Variants in MED30 observed in about 807,000 individuals in gnomAD.
The protein encoded by MED30 is mediator complex subunit 30, also known as mediator of RNA polymerase II transcription subunit 30.
A neutral mutation model predicts 21.7 loss-of-function variants in MED30; 8 were observed. That is an observed-to-expected ratio of 0.37 (90% confidence interval 0.22 to 0.67). The LOEUF is 0.67. Among genes scored for constraint, MED30 ranks in the 30% least tolerant of loss-of-function variants. The probability of loss-of-function intolerance (pLI) is 0.58; values close to 1 mark genes in which losing one functional copy is unlikely to be tolerated. For synonymous variants in MED30, 79 were observed against 86.7 expected, an observed-to-expected ratio of 0.91 and a Z score of 0.49; for missense variants, 203 against 228.2, an observed-to-expected ratio of 0.89 and a Z score of 0.71.
chr8:117,525,393 A>G (rs10955819), intron 1 of MED30, among the ~76,000 whole-genome samples: 49,183 of 141,324 alleles, frequency 0.35, 8,523 homozygotes, highest in Middle Eastern at 0.5. Context: ...GGATTTAGCT[A>G]TTTACATACT....
At chr8:117,535,622 A>T (rs1448416511) in intron 3 of MED30, among the ~76,000 whole-genome samples, 3 of 151,898 alleles carry the variant, frequency 2.0e-5, no homozygotes, top group Non-Finnish European at 4.4e-5. Flanking sequence ...TGATTTGATT[A>T]TTTAATCACA....
chr8:117,537,349 G>A (rs2130819619), intron 3 of MED30, among the ~76,000 whole-genome samples: 1 of 152,290 alleles, frequency 6.6e-6, no homozygotes, highest in East Asian at 1.9e-4. Context: ...TGGCAAGACT[G>A]TGTATATTAA....
intron 1 of MED30, among the ~76,000 whole-genome samples, chr8:117,522,635 C>CCT: frequency 7.2e-6 from 1 of 139,626 alleles, no homozygotes; most frequent in Middle Eastern, 3.7e-3. Context: ...TGTTTTATTG[C>CCT]TTTTTTTTTT....
At chr8:117,538,198 G>A (rs968760180) in intron 3 of MED30, among the ~76,000 whole-genome samples, 1 of 152,166 alleles carries the variant, frequency 6.6e-6, no homozygotes, top group Admixed American at 6.5e-5. Context: ...GAAAACTTGT[G>A]CAAGGGAGAC....
At chr8:117,528,879 T>C in intron 2 of MED30, 70 bp downstream of exon 2, 1 of 1,217,664 alleles carries the variant, frequency 8.2e-7, no homozygotes, top group Non-Finnish European at 1.1e-6. Flanking sequence ...GTTAATCTTT[T>C]TCCTCTCTCT....
chr8:117,532,701 T>C (rs933273347), intron 3 of MED30, among the ~76,000 whole-genome samples: 4 of 152,084 alleles, frequency 2.6e-5, no homozygotes, highest in African/African-American at 9.6e-5. Flanking sequence ...ATAGATTTTA[T>C]AAAATAAAAT....
intron 1 of MED30, chr8:117,523,180 T>G (rs1818656910): frequency 3.0e-6 from 2 of 668,992 alleles, no homozygotes; most frequent in South Asian, 3.3e-5. Flanking sequence ...CATGTGGACC[T>G]GCATTCAAAG....
intron 3 of MED30, among the ~76,000 whole-genome samples, chr8:117,535,350 T>C (rs573593311): frequency 1.3e-5 from 2 of 151,020 alleles, no homozygotes; most frequent in East Asian, 3.9e-4. Flanking sequence ...TGCCTCAGTC[T>C]CCTGAGTAGC....
intron 3 of MED30, among the ~76,000 whole-genome samples, chr8:117,536,181 C>CAA (rs527645436): frequency 1.1e-3 from 166 of 152,254 alleles, no homozygotes; most frequent in Non-Finnish European, 2.1e-3. Context: ...CATGAGTGGA[C>CAA]AAGTTTCTTC....
intron 1 of MED30, chr8:117,523,827 T>G (rs185580754): frequency 4.3e-4 from 232 of 545,076 alleles, no homozygotes; most frequent in Middle Eastern, 2.1e-3. Flanking sequence ...GCCAACATGG[T>G]GAAACCCCAT....
chr8:117,524,084 C>G (rs1818682214), intron 1 of MED30: 1 of 159,770 alleles, frequency 6.3e-6, no homozygotes. Context: ...GGTCTGGGAC[C>G]CAAAGCCAGC....
intron 3 of MED30, among the ~76,000 whole-genome samples, 196 bp from the exon 4 acceptor site, chr8:117,539,687 G>C (rs771000969): frequency 2.2e-4 from 33 of 152,194 alleles, no homozygotes; most frequent in Admixed American, 8.5e-4. Flanking sequence ...ACCTCTGCAG[G>C]CTGGATTTTT....
Position 117,540,098 on chromosome 8 carries a change from T to G in MED30, c.*120T>G, listed in dbSNP as rs144957696. 2,373 of 495,420 alleles carry G rather than the reference T, an allele frequency of 4.8e-3. 62 individuals carry two copies. Among genetic ancestry groups the G allele is most frequent in the African/African-American group, 0.045 (2,198 of 49,208 alleles). The allele number at this position is 495,420 out of a possible 1,614,324, so 30.7% of individuals were successfully genotyped here. On this transcript the variant is annotated 3_prime_UTR_variant, in exon 4 of 4. Coordinates refer to ENST00000297347, the MANE Select transcript of MED30 (RefSeq NM_080651.4). ...ATTTTAGTCACTAAAACTAAAGTTT[T>G]TATTTTTACATTGTGATTTTTACAT...
intron 2 of MED30, 165 bp from the exon 3 acceptor site, chr8:117,530,558 A>C (rs1365086643): frequency 3.9e-6 from 2 of 509,876 alleles, no homozygotes; most frequent in Non-Finnish European, 6.9e-6. Flanking sequence ...ATGCATTGAA[A>C]TGGTCAACTA....
At chr8:117,521,673 G>C (rs887032650) in intron 1 of MED30, among the ~76,000 whole-genome samples, 2 of 151,244 alleles carry the variant, frequency 1.3e-5, no homozygotes, top group Non-Finnish European at 2.9e-5. Flanking sequence ...ATTTGCTAGG[G>C]TTTTATATAA....
chr8:117,528,534 GA>G (rs1265568390), intron 1 of MED30, 116 bp from the exon 2 acceptor site: 2 of 747,484 alleles, frequency 2.7e-6, no homozygotes, highest in African/African-American at 1.8e-5. Context: ...AGTTGTGAGG[GA>G]CAGCTTATGT....
intron 3 of MED30, among the ~76,000 whole-genome samples, chr8:117,535,290 GC>G (rs2130818028): frequency 6.8e-6 from 1 of 147,826 alleles, no homozygotes; most frequent in African/African-American, 2.5e-5. Flanking sequence ...TGTCACCCAG[GC>G]TGGAGTGCAG....
chr8:117,528,599 T>A, intron 1 of MED30, 52 bp from the exon 2 acceptor site: 1 of 1,485,010 alleles, frequency 6.7e-7, no homozygotes, highest in South Asian at 1.4e-5. Flanking sequence ...ATAGAAAATC[T>A]TGATTTTTTT....
intron 3 of MED30, 22 bp from the exon 4 acceptor site, chr8:117,539,861 A>T: frequency 7.0e-7 from 1 of 1,426,368 alleles, no homozygotes. Context: ...AACATTTTTG[A>T]TAAATTCTTT....
Sources: gnomAD v4.1 joint callset for allele counts (sites outside exome capture counted in the v4.1 genomes callset) on GRCh38, gnomAD v4.1.1 for gene constraint, MANE v1.5 for transcripts, NCBI Gene and HGNC (gene_info 2026-07-23, HGNC 2026-07-21) for gene names.